The following ADGRL2 variants were observed in gnomAD, a reference collection of about 807,000 sequenced individuals.
ADGRL2 encodes the protein calcium-independent alpha-latrotoxin receptor 2.
Under a neutral mutation model 157.4 loss-of-function variants are expected in ADGRL2, and 44 were observed. The observed-to-expected ratio is 0.28, with a 90% confidence interval of 0.22 to 0.36. The LOEUF (loss-of-function observed/expected upper bound fraction) is 0.36. Among genes scored for constraint, ADGRL2 ranks in the 10% least tolerant of loss-of-function variants. The probability of loss-of-function intolerance (pLI) is 1.00; values close to 1 mark genes in which losing one functional copy is unlikely to be tolerated. For synonymous variants in ADGRL2, 585 were observed against 624.7 expected (o/e 0.94, Z 0.95); for missense variants, 1,510 against 1,768.9 (o/e 0.85, Z 2.63).
intron 1 of ADGRL2, among the ~76,000 whole-genome samples, chr1:81,374,578 G>GAAAAAAAAAAAAAAAAA (rs71242588): frequency 3.1e-4 from 41 of 130,254 alleles, no homozygotes; most frequent in Non-Finnish European, 4.2e-4. Context: ...TCTCAAAAAA[G>GAAAAAAAAAAAAAAAAA]AAAAAAAAAA....
At chr1:81,352,739 T>G (rs1409006114) in intron 1 of ADGRL2, among the ~76,000 whole-genome samples, 2 of 152,174 alleles carry the variant, frequency 1.3e-5, no homozygotes. Flanking sequence ...TTTAGTCATC[T>G]AAACACTTTT....
intron 1 of ADGRL2, among the ~76,000 whole-genome samples, chr1:81,411,307 T>C (rs1006369672): frequency 2.6e-5 from 4 of 152,224 alleles, no homozygotes; most frequent in Non-Finnish European, 4.4e-5. Context: ...TTCACAAGCC[T>C]TAGATTAGCC....
chr1:81,401,886 A>G (rs967068669), intron 1 of ADGRL2, among the ~76,000 whole-genome samples: 9 of 152,234 alleles, frequency 5.9e-5, no homozygotes, highest in Non-Finnish European at 1.3e-4. Context: ...TTATATACCT[A>G]GAAACATCCT....
At chr1:81,497,129 T>A (rs1291926759) in intron 2 of ADGRL2, among the ~76,000 whole-genome samples, 1 of 152,156 alleles carries the variant, frequency 6.6e-6, no homozygotes, top group Non-Finnish European at 1.5e-5. Flanking sequence ...GCAGCAAGAT[T>A]TTTTGCCATA....
chr1:81,680,632 T>G (rs1456381668), intron 3 of ADGRL2, among the ~76,000 whole-genome samples: 1 of 152,040 alleles, frequency 6.6e-6, no homozygotes. Flanking sequence ...CATTGCTGTT[T>G]TCTCCATTAT....
At chr1:81,308,487 C>A (rs1251343735) in intron 1 of ADGRL2, among the ~76,000 whole-genome samples, 1 of 152,060 alleles carries the variant, frequency 6.6e-6, no homozygotes, top group Non-Finnish European at 1.5e-5. Context: ...TAAAGGATGC[C>A]CTTTCAGAAC....
intron 2 of ADGRL2, among the ~76,000 whole-genome samples, chr1:81,477,408 G>A (rs78418449): frequency 0.017 from 2,542 of 152,328 alleles, 71 homozygotes; most frequent in East Asian, 0.13. Flanking sequence ...ACAGAAAACA[G>A]GGCTGGAGCA....
At chr1:81,860,140 C>G (rs1321537142) in intron 2 of ADGRL2, among the ~76,000 whole-genome samples, 1 of 152,090 alleles carries the variant, frequency 6.6e-6, no homozygotes, top group Non-Finnish European at 1.5e-5. Context: ...AGGAGAATCA[C>G]TTGAACCTGG....
intron 1 of ADGRL2, among the ~76,000 whole-genome samples, chr1:81,403,839 C>A (rs1257344227): frequency 4.9e-5 from 7 of 141,746 alleles, no homozygotes. Context: ...ACTCTATTGT[C>A]CAGGCTGGAG....
At chr1:81,691,483 A>G (rs1342741363) in intron 3 of ADGRL2, among the ~76,000 whole-genome samples, 1 of 152,006 alleles carries the variant, frequency 6.6e-6, no homozygotes, top group Non-Finnish European at 1.5e-5. Context: ...GGTAATACCA[A>G]CTATTAGTTT....
chr1:81,691,920 GTA>G (rs1157358093), intron 3 of ADGRL2, among the ~76,000 whole-genome samples: 100 of 130,028 alleles, frequency 7.7e-4, no homozygotes, highest in African/African-American at 2.6e-3. Flanking sequence ...ATATATGTGT[GTA>G]TATATATATA....
intron 2 of ADGRL2, among the ~76,000 whole-genome samples, chr1:81,526,957 C>A (rs2079473541): frequency 6.6e-6 from 1 of 152,218 alleles, no homozygotes; most frequent in Non-Finnish European, 1.5e-5. Flanking sequence ...GGAGCCACCT[C>A]TGGCTACAGT....
At chr1:81,808,388 A>G (rs918906649) in intron 1 of ADGRL2, among the ~76,000 whole-genome samples, 1 of 151,918 alleles carries the variant, frequency 6.6e-6, no homozygotes, top group African/African-American at 2.4e-5. Flanking sequence ...GTGTAAGGAT[A>G]TTGGCGCCAG....
chr1:81,950,965 T>C (rs2149071641), intron 7 of ADGRL2, 53 bp from the exon 8 acceptor site: 1 of 1,103,660 alleles, frequency 9.1e-7, no homozygotes, highest in East Asian at 2.4e-5. Context: ...GATTCCCGAA[T>C]GCATGCAGAA....
At chr1:81,483,662 C>T (rs564271628) in intron 2 of ADGRL2, among the ~76,000 whole-genome samples, 1 of 152,256 alleles carries the variant, frequency 6.6e-6, no homozygotes, top group African/African-American at 2.4e-5. Flanking sequence ...CCAAATACTG[C>T]TAGTTATAGC....
chr1:81,413,839 T>C (rs1186809103), intron 1 of ADGRL2, among the ~76,000 whole-genome samples: 1 of 152,240 alleles, frequency 6.6e-6, no homozygotes, highest in Non-Finnish European at 1.5e-5. Flanking sequence ...CATACACATA[T>C]ATATTTACCC....
intron 1 of ADGRL2, among the ~76,000 whole-genome samples, chr1:81,401,174 C>T (rs185451407): frequency 3.3e-5 from 5 of 152,284 alleles, no homozygotes; most frequent in Admixed American, 2.0e-4. Context: ...GGCCAACATA[C>T]TTGCTCTGGG....
In ADGRL2 at chr1:81,501,662, G is replaced by A. The variant is rs768661563; in HGVS notation, c.-248+56573G>A. ...CTGGGCCTGAGCGGCCGCCTCCTCC[G>A]CCACCCGAAAACCCGGAGTGCCCCG... is the stretch of plus-strand genomic sequence containing the variant. On this transcript the variant is annotated intron_variant, in intron 2 of 24. Coordinates refer to the ADGRL2 transcript ENST00000370721. The A allele has an allele frequency of 3.0e-5, 44 of 1,458,360 alleles. No individual in the cohort carries two copies. The Middle Eastern group carries it at 7.6e-4, about 25-fold the overall frequency. 90.3% of individuals were successfully genotyped at this position (1,458,360 alleles called of 1,614,324 possible).
intron 1 of ADGRL2, among the ~76,000 whole-genome samples, chr1:81,429,743 A>C (rs1052517665): frequency 2.0e-5 from 3 of 152,234 alleles, no homozygotes; most frequent in Non-Finnish European, 4.4e-5. Context: ...AATGATACAC[A>C]TATATAAATG....
Sources: gnomAD v4.1 joint callset for allele counts (sites outside exome capture counted in the v4.1 genomes callset) on GRCh38, gnomAD v4.1.1 for gene constraint, MANE v1.5 for transcripts, NCBI Gene and HGNC (gene_info 2026-07-23, HGNC 2026-07-21) for gene names.